MYH14: variants seen among roughly 807,000 people sequenced by gnomAD.
MYH14 encodes myosin heavy chain 14, also known as myosin-14.
Under a neutral mutation model 255.5 loss-of-function variants are expected in MYH14, and 123 were observed. The ratio of observed to expected loss-of-function variants is 0.48; its 90% CI spans 0.42 to 0.56. The LOEUF (loss-of-function observed/expected upper bound fraction) is 0.56, where lower values mean the gene tolerates loss of function less well. Ranked by LOEUF, MYH14 falls within the 20% of genes least tolerant of loss-of-function variation. The probability of loss-of-function intolerance (pLI) is 0.00; values close to 1 mark genes in which losing one functional copy is unlikely to be tolerated. For synonymous variants in MYH14, 1,095 were observed against 1,161.2 expected (o/e 0.94, Z 1.16); for missense variants, 2,423 against 2,802.3 (o/e 0.86, Z 3.06).
rs2035897043 is a variant in MYH14 at position 50,286,587 on chromosome 19, G to A, written c.4645G>A (p.Ala1549Thr). Residue 1549 changes from alanine to threonine, a missense_variant, in exon 34 of 43, where the codon GCA (alanine) becomes ACA (threonine). By Grantham distance (58) the Ala-to-Thr change is moderately conservative. Coordinates refer to ENST00000642316, the MANE Select transcript of MYH14 (RefSeq NM_001145809.2). ...REARALSLTR[A>T]LEEEQEAREE... Reference sequence around the variant, plus strand: ...GGCTCGGGCCCTGTCACTGACACGGGCACTGGAGGAGGAGCAGGAGGCACG... The same window carrying A: ...GGCTCGGGCCCTGTCACTGACACGGACACTGGAGGAGGAGCAGGAGGCACG... The A allele has an allele frequency of 2.5e-6, 4 of 1,608,170 alleles. No individual in the cohort carries two copies. The highest frequency in any genetic ancestry group is 1.7e-4 in the Middle Eastern group (1 of 6,044).
At chr19:50,233,979 G>A (rs62112652) in intron 10 of MYH14, among the ~76,000 whole-genome samples, 33,552 of 151,540 alleles carry the variant, frequency 0.22, 3,990 homozygotes, top group Non-Finnish European at 0.27. Context: ...CACCACACCC[G>A]GCTAATTTTT....
At chr19:50,306,194 GC>G (rs1430296937) in intron 40 of MYH14, among the ~76,000 whole-genome samples, 1 of 152,122 alleles carries the variant, frequency 6.6e-6, no homozygotes, top group Non-Finnish European at 1.5e-5. Context: ...AGGAACAATT[GC>G]TTGAACCCAG....
intron 6 of MYH14, among the ~76,000 whole-genome samples, chr19:50,224,395 C>T (rs537902032): frequency 1.3e-5 from 2 of 152,246 alleles, no homozygotes; most frequent in South Asian, 4.2e-4. Flanking sequence ...ACAAAACTGC[C>T]ACTTACTGCT....
chr19:50,217,573 T>C (rs2123183035), intron 2 of MYH14, 42 bp from the exon 3 acceptor site: 2 of 1,613,792 alleles, frequency 1.2e-6, no homozygotes, highest in East Asian at 4.5e-5. Context: ...TTTCAGGCCG[T>C]GGGCAGCCAT....
chr19:50,278,099 A>C lies in MYH14; in HGVS notation c.3842A>C (p.Glu1281Ala), dbSNP rs751064858. Residue 1281 changes from glutamate to alanine, a missense_variant, in exon 30 of 43, where the codon GAG becomes GCG. Around this residue, in one of 3 missense-constraint regions of MYH14, gnomAD observed 1,513 missense variants for 1,674.8 expected, o/e 0.90. Coordinates refer to ENST00000642316, the MANE Select transcript of MYH14 (RefSeq NM_001145809.2). Reference sequence around the variant, plus strand: ...CCACACCAGGGCAAAGGTGCATGGGAGAAGACCCGGCTGGCCCTGGAGGCC... The same window carrying C: ...CCACACCAGGGCAAAGGTGCATGGGCGAAGACCCGGCTGGCCCTGGAGGCC... ...EQARRGKGAW[E>A]KTRLALEAEV... The C allele has an allele frequency of 3.8e-6, 6 of 1,589,112 alleles. No individual in the cohort carries two copies. In the African/African-American group the frequency reaches 6.7e-5, roughly 18 times the overall value.
intron 33 of MYH14, among the ~76,000 whole-genome samples, chr19:50,284,089 A>AC (rs2035810741): frequency 7.7e-6 from 1 of 130,238 alleles, no homozygotes; most frequent in Admixed American, 7.2e-5. Context: ...ACAAAACAAA[A>AC]AACAAAAAAA....
chr19:50,280,840 C>A lies in MYH14; in HGVS notation c.4290+457C>A, dbSNP rs927801582. Among the ~76,000 whole-genome samples the A allele has an allele frequency of 2.6e-5, 4 of 152,352 alleles. No homozygotes were observed. The highest frequency in any genetic ancestry group is 3.4e-3 in the Middle Eastern group (1 of 294). ...CCTGCAATCTCTGGTCCTTCCTCTGCCTTTAGCTGTATTCATCTCTATCTC... is the reference window on the plus strand; with the variant it reads ...CCTGCAATCTCTGGTCCTTCCTCTGACTTTAGCTGTATTCATCTCTATCTC... On this transcript the variant is annotated intron_variant, in intron 32 of 42. Coordinates refer to ENST00000642316, the MANE Select transcript of MYH14 (RefSeq NM_001145809.2). The surrounding 1 kb of genome is among the most constrained non-coding windows in gnomAD (Gnocchi z 4.8).
chr19:50,293,444 C>T lies in MYH14; in HGVS notation c.5346-120C>T, dbSNP rs766632015. 43 of 1,533,852 alleles carry T rather than the reference C, an allele frequency of 2.8e-5. No homozygotes were observed. The highest frequency in any genetic ancestry group is 1.4e-4 in the South Asian group (12 of 84,282). On this transcript the variant is annotated intron_variant, in intron 38 of 42. Transcript: ENST00000642316. The surrounding 1 kb of genome is among the most constrained non-coding windows in gnomAD (Gnocchi z 4.1). ...GAGGTGGGCGGGGTTAACCTCGGGG[C>T]CCCTGGGGTGTGAGGCTGGGGAGAT... is the stretch of plus-strand genomic sequence containing the variant.
At position 50,280,350 on chromosome 19, in the gene MYH14, G is replaced by T; in HGVS notation, c.4257G>T (p.Arg1419=). 1.9e-6 allele frequency: 3 copies of T among 1,547,608 alleles called. No homozygotes were observed. The highest frequency in any genetic ancestry group is 2.6e-6 in the Non-Finnish European group (3 of 1,145,550). ...QLEEEAAARE[R]AGRELQTAQA... ...AGGAGGAGGCAGCTGCCAGGGAACG[G>T]GCGGGCCGTGAACTGCAGACTGCCC... Residue 1419 remains arginine, a synonymous_variant, in exon 32 of 43, where the codon CGG becomes CGT. Coordinates refer to ENST00000642316, the MANE Select transcript of MYH14 (RefSeq NM_001145809.2). The surrounding 1 kb of genome is among the most constrained non-coding windows in gnomAD (Gnocchi z 4.8).
Position 50,249,024 on chromosome 19 carries a change from A to G in MYH14, c.1367A>G (p.Tyr456Cys), listed in dbSNP as rs2034248093. The stretch of plus-strand genomic sequence containing the variant: ...CTGGAGGCCCTGGCCAAGGCCACCT[A>G]CGAGCGCCTCTTCCGCTGGCTGGTT... The part of the protein sequence containing the change: ...FALEALAKAT[Y>C]ERLFRWLVLR... The change falls in exon 13 of 43, where the codon TAC becomes TGC. Residue 456 changes from tyrosine to cysteine, a missense_variant. Physicochemically the swap from Tyr to Cys is radical, Grantham distance 194 (BLOSUM62 -2). Transcript: ENST00000642316. 6.2e-7 allele frequency: 1 copy of G among 1,613,602 alleles called. No homozygotes were observed. The highest frequency in any genetic ancestry group is 1.3e-5 in the African/African-American group (1 of 75,068).
chr19:50,233,450 G>C (rs2033505129), intron 10 of MYH14, among the ~76,000 whole-genome samples: 1 of 152,106 alleles, frequency 6.6e-6, no homozygotes, highest in Non-Finnish European at 1.5e-5. Flanking sequence ...GATTCCAGGC[G>C]TGAGCCGCTG....
chr19:50,275,888 A>G (rs2035485170), intron 27 of MYH14, 103 bp from the exon 28 acceptor site: 1 of 854,406 alleles, frequency 1.2e-6, no homozygotes, highest in Admixed American at 2.6e-5. Context: ...CTAACCTGGG[A>G]CTGGCCACTC....
Position 50,286,530 on chromosome 19 carries a change from G to C in MYH14, c.4588G>C (p.Glu1530Gln). 3.7e-6 allele frequency: 6 copies of C among 1,613,492 alleles called. No individual in the cohort carries two copies. Among genetic ancestry groups the C allele is most frequent in the Non-Finnish European group, 4.2e-6 (5 of 1,179,716 alleles). Reference protein sequence around the residue: ...AAVLRAVEERERAEAEGRERE... With the variant: ...AAVLRAVEERQRAEAEGRERE... Reference sequence around the variant, plus strand: ...TGTACTTCGGGCAGTGGAGGAACGTGAGCGGGCCGAGGCAGAGGGCCGGGA... The same window carrying C: ...TGTACTTCGGGCAGTGGAGGAACGTCAGCGGGCCGAGGCAGAGGGCCGGGA... The change falls in exon 34 of 43, where the codon GAG becomes CAG. Residue 1530 changes from glutamate to glutamine, a missense_variant. Transcript: ENST00000642316.
chr19:50,205,897 G>A (rs1174279338), intron 1 of MYH14, among the ~76,000 whole-genome samples: 1 of 152,154 alleles, frequency 6.6e-6, no homozygotes, highest in Non-Finnish European at 1.5e-5. Flanking sequence ...GCCAGGGTCA[G>A]ACGGCTGGAT....
At chr19:50,291,482 G>C (rs995831694) in intron 36 of MYH14, among the ~76,000 whole-genome samples, 2 of 152,114 alleles carry the variant, frequency 1.3e-5, no homozygotes, top group Non-Finnish European at 1.5e-5. Context: ...TAGAGACAAG[G>C]TTTTGCCATG....
At chr19:50,279,879 G>A (rs1472073870) in intron 30 of MYH14, among the ~76,000 whole-genome samples, 158 bp from the exon 31 acceptor site, 1 of 152,176 alleles carries the variant, frequency 6.6e-6, no homozygotes, top group Non-Finnish European at 1.5e-5. Flanking sequence ...TGGGTCATGT[G>A]GGAACCCTAT....
At chr19:50,229,761 A>G (rs2033283040) in intron 8 of MYH14, among the ~76,000 whole-genome samples, 1 of 152,150 alleles carries the variant, frequency 6.6e-6, no homozygotes. Flanking sequence ...TGAAGGTGGG[A>G]GCTGATTATC....
intron 3 of MYH14, among the ~76,000 whole-genome samples, chr19:50,219,304 A>C (rs1399874206): frequency 1.3e-5 from 2 of 151,606 alleles, no homozygotes; most frequent in African/African-American, 4.8e-5. Context: ...GATACCCCAG[A>C]GTAGGGTTGC....
In MYH14 at chr19:50,250,706, C is replaced by A; in HGVS notation, c.1830+18C>A. The stretch of plus-strand genomic sequence containing the variant: ...CGGGCAAGGTAGGGGCTGGGGCCGG[C>A]CTTGGGGCATGTGGGAGTGGGGATC... On this transcript the variant is annotated intron_variant, in intron 15 of 42. Coordinates refer to ENST00000642316, the MANE Select transcript of MYH14 (RefSeq NM_001145809.2). This position sits in a 1 kb window ranked among gnomAD's most constrained non-coding sequence, Gnocchi z 5.4. The A allele has an allele frequency of 6.2e-7, 1 of 1,600,180 alleles. No homozygotes were observed. Among genetic ancestry groups the A allele is most frequent in the South Asian group, 1.1e-5 (1 of 89,920 alleles).
Sources: gnomAD v4.1 joint callset for allele counts (sites outside exome capture counted in the v4.1 genomes callset) on GRCh38, gnomAD v4.1.1 for gene constraint, gnomAD v4.1.1 regional missense constraint, Gnocchi (gnomAD v3.1) non-coding constraint, MANE v1.5 for transcripts, NCBI Gene and HGNC (gene_info 2026-07-23, HGNC 2026-07-21) for gene names.